The following TREH variants were observed in gnomAD, a reference collection of about 807,000 sequenced individuals.
The protein encoded by TREH is alpha,alpha-trehalose glucohydrolase.
TREH carries 69 observed loss-of-function variants against 80.5 expected under a neutral mutation model. The observed-to-expected ratio is 0.86, with a 90% confidence interval of 0.71 to 1.05. The LOEUF (loss-of-function observed/expected upper bound fraction) is 1.05. TREH is among the 50% of genes least tolerant of loss of function. The pLI, the probability that TREH is intolerant of heterozygous loss-of-function variation, is 0.00. For missense variants in TREH, 716 were observed against 718.8 expected (o/e 1.00, Z 0.04); for synonymous variants, 309 against 293.5 (o/e 1.05, Z -0.54).
chr11:118,659,244 G>A (rs1949274449), intron 12 of TREH, 126 bp downstream of exon 12: 1 of 885,928 alleles, frequency 1.1e-6, no homozygotes, highest in Admixed American at 2.9e-5. Flanking sequence ...GAGGCCAGGA[G>A]AGCAGAGGAG....
rs1555146636 is a variant in TREH, at chr11:118,674,504, C to A, written c.89+5035G>T. ...TCAGGTAGAAGAGATGCAACCACTC[C>A]ACATAAAACCTGTTCAAGCGCATAC... On this transcript the variant is annotated intron_variant, in intron 1 of 14. Transcript: ENST00000264029. The surrounding 1 kb of genome is among the most constrained non-coding windows in gnomAD (Gnocchi z 4.4). Among the ~76,000 whole-genome samples, 1 of 152,164 alleles carries A rather than the reference C, an allele frequency of 6.6e-6. No individual in the cohort carries two copies. Among genetic ancestry groups the A allele is most frequent in the African/African-American group, 2.4e-5 (1 of 41,438 alleles).
In TREH at chr11:118,661,314, G is replaced by A. The variant is rs782209576; in HGVS notation, c.735-32C>T. On this transcript the variant is annotated intron_variant, in intron 7 of 14. Coordinates refer to ENST00000264029, the MANE Select transcript of TREH (RefSeq NM_007180.3). This position sits in a 1 kb window ranked among gnomAD's most constrained non-coding sequence, Gnocchi z 4.2. ...TGAAGCAGACAACACCTCAGCCCAG[G>A]CGTGCTGCCCATCCCCAGCCCTGAG... The A allele has an allele frequency of 5.6e-6, 9 of 1,613,848 alleles. No individual in the cohort carries two copies. In the Admixed American group the frequency reaches 1.3e-4, roughly 24 times the overall value.
chr11:118,674,903 G>T lies in TREH; in HGVS notation c.89+4636C>A, dbSNP rs554680247. On this transcript the variant is annotated intron_variant, in intron 1 of 14. Transcript: ENST00000264029. This position sits in a 1 kb window ranked among gnomAD's most constrained non-coding sequence, Gnocchi z 4.4. ...ATCAGGACTTCAGCAGGTGTTTTTG[G>T]TACCACAGTGCAGGACTGGAGGTTG... Among the ~76,000 whole-genome samples, 1 of 152,230 alleles carries T rather than the reference G, an allele frequency of 6.6e-6. No individual in the cohort carries two copies. Among genetic ancestry groups the T allele is most frequent in the African/African-American group, 2.4e-5 (1 of 41,524 alleles).
At chr11:118,668,494 G>A (rs1223180539) in intron 1 of TREH, among the ~76,000 whole-genome samples, 1 of 128,006 alleles carries the variant, frequency 7.8e-6, no homozygotes, top group Non-Finnish European at 1.6e-5. Context: ...GCCCAGGCAG[G>A]CAGAGGTTGC....
At chr11:118,677,607 C>T (rs1225406938) in intron 1 of TREH, among the ~76,000 whole-genome samples, 1 of 152,168 alleles carries the variant, frequency 6.6e-6, no homozygotes, top group African/African-American at 2.4e-5. Flanking sequence ...TGCCTGTAGT[C>T]CCAGCTACTG....
At chr11:118,659,994 G>A in intron 10 of TREH, 30 bp from the exon 11 acceptor site, 1 of 1,541,460 alleles carries the variant, frequency 6.5e-7, no homozygotes, top group Non-Finnish European at 8.8e-7. Context: ...AGAGCCAGCA[G>A]CCAGTGCCCT....
chr11:118,662,960 A>T lies in TREH; in HGVS notation c.344T>A (p.Phe115Tyr), dbSNP rs782757330. 1.2e-6 allele frequency: 2 copies of T among 1,612,494 alleles called. No homozygotes were observed. Among genetic ancestry groups the T allele is most frequent in the Non-Finnish European group, 1.7e-6 (2 of 1,179,268 alleles). The change falls in exon 4 of 15, where the codon TTC becomes TAC. Residue 115 changes from phenylalanine to tyrosine, a missense_variant. Coordinates refer to ENST00000264029, the MANE Select transcript of TREH (RefSeq NM_007180.3). ...TPADWKDSPQ[F>Y]LQKISDAKLR... ...TTTGGCATCTGAAATCTTCTGCAGG[A>T]ACTGGGGGCTGAAAGAACACAGGCC...
chr11:118,659,674 T>C (rs2137259723), intron 11 of TREH, 73 bp downstream of exon 11: 2 of 1,519,180 alleles, frequency 1.3e-6, no homozygotes, highest in Non-Finnish European at 1.8e-6. Flanking sequence ...CGCCCTCCCC[T>C]GCAGGTCCTG....
intron 1 of TREH, among the ~76,000 whole-genome samples, chr11:118,671,851 T>C (rs1949432688): frequency 6.6e-6 from 1 of 151,988 alleles, no homozygotes; most frequent in Non-Finnish European, 1.5e-5. Context: ...TGGTGAGAAG[T>C]CTGGCAGCAG....
At position 118,659,380 on chromosome 11, in the gene TREH, C is replaced by T. The variant is rs1555144291; in HGVS notation, c.1422G>A (p.Leu474=). 1.3e-6 allele frequency: 2 copies of T among 1,578,916 alleles called. No individual in the cohort carries two copies. The highest frequency in any genetic ancestry group is 1.7e-6 in the Non-Finnish European group (2 of 1,161,586). The change falls in exon 12 of 15, where the codon CTG becomes CTA. Residue 474 remains leucine, a synonymous_variant. Transcript: ENST00000264029. ...FPNAWAPLQD[L]VIRGLAKAPL... ...GCCCTGCCTCCCTACCTCTGATGAC[C>T]AGGTCCTGCAGGGGGGCCCAGGCAT...
chr11:118,665,735 A>G (rs558039426), intron 1 of TREH, among the ~76,000 whole-genome samples: 66 of 152,270 alleles, frequency 4.3e-4, no homozygotes, highest in Non-Finnish European at 8.4e-4. Flanking sequence ...GCTTCACAGC[A>G]TCTGGCTAAA....
At position 118,661,753 on chromosome 11, in the gene TREH, C is replaced by T. The variant is rs1226917730; in HGVS notation, c.525-24G>A. ...CCCTGGGGAAGGGGCAGCTTAGGCA[C>T]CACCCTGCTGCCTCCCTCTGCCCTG... On this transcript the variant is annotated intron_variant, in intron 5 of 14. Coordinates refer to ENST00000264029, the MANE Select transcript of TREH (RefSeq NM_007180.3). The surrounding 1 kb of genome is among the most constrained non-coding windows in gnomAD (Gnocchi z 4.2). The T allele has an allele frequency of 1.2e-6, 2 of 1,609,832 alleles. No homozygotes were observed. The highest frequency in any genetic ancestry group is 1.7e-6 in the Non-Finnish European group (2 of 1,176,452).
In TREH at chr11:118,661,695, A is replaced by C. The variant is rs1949324246; in HGVS notation, c.559T>G (p.Ser187Ala). 1 of 1,613,850 alleles carries C rather than the reference A, an allele frequency of 6.2e-7. No individual in the cohort carries two copies. The highest frequency in any genetic ancestry group is 1.3e-5 in the African/African-American group (1 of 74,922). The stretch of plus-strand genomic sequence containing the variant: ...CCCTTCACCGTCTCAGCCATCTCTG[A>C]GAGGAGCAGACCCTCCATGACCCAG... ...SYWVMEGLLL[S>A]EMAETVKGML... is the part of the protein sequence containing the mutation. The change falls in exon 6 of 15, where the codon TCA becomes GCA. Residue 187 changes from serine to alanine, a missense_variant. Transcript: ENST00000264029. The surrounding 1 kb of genome is among the most constrained non-coding windows in gnomAD (Gnocchi z 4.2).
chr11:118,678,423 G>A (rs1555147095), intron 1 of TREH, among the ~76,000 whole-genome samples: 1 of 152,116 alleles, frequency 6.6e-6, no homozygotes, highest in Non-Finnish European at 1.5e-5. Flanking sequence ...GAGTGCAATG[G>A]CATGATCTTG....
intron 12 of TREH, 150 bp from the exon 13 acceptor site, chr11:118,659,167 G>A (rs1555144227): frequency 3.1e-6 from 3 of 956,252 alleles, no homozygotes; most frequent in African/African-American, 1.6e-5. Context: ...TTAATCGACG[G>A]CCCTGGTTTG....
intron 1 of TREH, among the ~76,000 whole-genome samples, chr11:118,675,532 A>G (rs1202165872): frequency 6.6e-6 from 1 of 152,158 alleles, no homozygotes; most frequent in Non-Finnish European, 1.5e-5. Flanking sequence ...GCTTAGGGCT[A>G]TAGTTTTATT....
At position 118,661,343 on chromosome 11, in the gene TREH, T is replaced by A; in HGVS notation, c.734+50A>T. 3 of 1,613,404 alleles carry A rather than the reference T, an allele frequency of 1.9e-6. No individual in the cohort carries two copies. The highest frequency in any genetic ancestry group is 2.5e-6 in the Non-Finnish European group (3 of 1,179,678). On this transcript the variant is annotated intron_variant, in intron 7 of 14. Coordinates refer to ENST00000264029, the MANE Select transcript of TREH (RefSeq NM_007180.3). This position sits in a 1 kb window ranked among gnomAD's most constrained non-coding sequence, Gnocchi z 4.2. ...GCTGCCCATCCCCAGCCCTGAGAGG[T>A]CTGAGGGATGGGTGGGTCTGCAGAG...
At chr11:118,658,530 C>A in intron 14 of TREH, 89 bp from the exon 15 acceptor site, 1 of 1,531,120 alleles carries the variant, frequency 6.5e-7, no homozygotes. Context: ...GGGCACTGGC[C>A]CTGCCTAACC....
rs1232790768 is a variant in TREH at position 118,662,921 on chromosome 11, G to C, written c.383C>G (p.Ala128Gly). The change falls in exon 4 of 15, where the codon GCA (alanine) becomes GGA (glycine). Residue 128 changes from alanine to glycine, a missense_variant. Transcript: ENST00000264029. ...KISDAKLRAW[A>G]GQLHQLWKKL... ...CTTCCAGAGCTGATGCAGCTGCCCT[G>C]CCCAGGCACGCAGTTTGGCATCTGA... 5.9e-5 allele frequency: 95 copies of C among 1,607,798 alleles called. No homozygotes were observed. The highest frequency in any genetic ancestry group is 7.6e-5 in the Non-Finnish European group (89 of 1,177,080).
Sources: gnomAD v4.1 joint callset for allele counts (sites outside exome capture counted in the v4.1 genomes callset) on GRCh38, gnomAD v4.1.1 for gene constraint, Gnocchi (gnomAD v3.1) non-coding constraint, MANE v1.5 for transcripts, NCBI Gene and HGNC (gene_info 2026-07-23, HGNC 2026-07-21) for gene names.